DIAPH3: variants seen among roughly 807,000 people sequenced by gnomAD.
DIAPH3 encodes protein diaphanous homolog 3.
Under a neutral mutation model 144.3 loss-of-function variants are expected in DIAPH3, and 117 were observed. That is an observed-to-expected ratio of 0.81 (90% CI 0.70 to 0.95). The LOEUF is 0.95. Among genes scored for constraint, DIAPH3 ranks in the 40% least tolerant of loss-of-function variants. The probability of loss-of-function intolerance (pLI) is 0.00; values close to 1 mark genes in which losing one functional copy is unlikely to be tolerated. For missense variants in DIAPH3, 1,421 were observed against 1,412.7 expected, an observed-to-expected ratio of 1.01 and a Z score of -0.09; for synonymous variants, 519 against 488.9, an observed-to-expected ratio of 1.06 and a Z score of -0.81.
At chr13:59,903,521 A>G (rs567055041) in intron 20 of DIAPH3, among the ~76,000 whole-genome samples, 1 of 152,270 alleles carries the variant, frequency 6.6e-6, no homozygotes, top group Admixed American at 6.5e-5. Context: ...TTCTGAGTTA[A>G]AAATCAGGAA....
intron 21 of DIAPH3, 137 bp downstream of exon 21, chr13:59,879,092 G>T: frequency 1.6e-6 from 2 of 1,237,200 alleles, no homozygotes; most frequent in East Asian, 2.5e-5. Context: ...GTTCACTCTG[G>T]GTTTGAGTTC....
At chr13:60,056,136 GTTA>G (rs1210553140) in intron 4 of DIAPH3, among the ~76,000 whole-genome samples, 1 of 151,400 alleles carries the variant, frequency 6.6e-6, no homozygotes, top group Non-Finnish European at 1.5e-5. Flanking sequence ...ACCCTGTAAT[GTTA>G]GACTCTAACT....
chr13:60,027,951 T>C (rs191699383), intron 5 of DIAPH3, among the ~76,000 whole-genome samples: 1 of 152,272 alleles, frequency 6.6e-6, no homozygotes, highest in East Asian at 1.9e-4. Context: ...CCAATGCTGG[T>C]CAGAGCAGTC....
intron 2 of DIAPH3, among the ~76,000 whole-genome samples, chr13:60,118,078 ACT>A (rs1223583923): frequency 1.3e-5 from 2 of 152,190 alleles, no homozygotes; most frequent in East Asian, 3.8e-4. Context: ...TATGGCTTTG[ACT>A]GTGTCTGGGG....
chr13:59,878,478 G>GTACC (rs2044776009), intron 21 of DIAPH3, among the ~76,000 whole-genome samples: 7 of 152,108 alleles, frequency 4.6e-5, no homozygotes, highest in African/African-American at 1.4e-4. Flanking sequence ...AGGGAGTGTG[G>GTACC]TTGTTACGAG....
At chr13:59,755,033 G>A (rs902607337) in intron 27 of DIAPH3, among the ~76,000 whole-genome samples, 2 of 152,160 alleles carry the variant, frequency 1.3e-5, no homozygotes, top group African/African-American at 4.8e-5. Context: ...GATCATTACA[G>A]ACCTATGAAC....
chr13:59,735,434 A>C (rs1399705405), intron 27 of DIAPH3, among the ~76,000 whole-genome samples: 1 of 152,206 alleles, frequency 6.6e-6, no homozygotes, highest in Admixed American at 6.5e-5. Flanking sequence ...TTAATAAAAA[A>C]TCTGGATACA....
At chr13:60,139,011 C>T (rs1594763030) in intron 1 of DIAPH3, among the ~76,000 whole-genome samples, 2 of 152,216 alleles carry the variant, frequency 1.3e-5, no homozygotes, top group South Asian at 4.2e-4. Context: ...CATTTCTAGC[C>T]CACACACCTG....
At position 59,795,141 on chromosome 13, in the gene DIAPH3, G is replaced by A. The variant is rs574078344; in HGVS notation, c.3163+15647C>T. ...GACAACTGCACAAAGGAGAATGAAC[G>A]AAAGCTTCAGATTAAGAATGTACGA... On this transcript the variant is annotated intron_variant, in intron 25 of 27. Coordinates refer to ENST00000400324, the MANE Select transcript of DIAPH3 (RefSeq NM_001042517.2). 3.0e-3 allele frequency among the ~76,000 whole-genome samples: 456 copies of A among 152,308 alleles called. 1 individual carries two copies. Among genetic ancestry groups the A allele is most frequent in the African/African-American group, 0.01 (417 of 41,562 alleles).
intron 19 of DIAPH3, among the ~76,000 whole-genome samples, chr13:59,913,712 CTT>C (rs1039637896): frequency 2.2e-4 from 33 of 152,284 alleles, no homozygotes; most frequent in African/African-American, 5.8e-4. Flanking sequence ...TAATCCAGCA[CTT>C]TGAGAGACCG....
chr13:60,074,823 T>A (rs990181829), intron 4 of DIAPH3, among the ~76,000 whole-genome samples: 3 of 152,198 alleles, frequency 2.0e-5, no homozygotes, highest in Non-Finnish European at 4.4e-5. Flanking sequence ...GTCATTGGTT[T>A]TAACAGCTGT....
At chr13:59,725,521 T>C (rs1054245064) in intron 27 of DIAPH3, among the ~76,000 whole-genome samples, 14 of 152,210 alleles carry the variant, frequency 9.2e-5, no homozygotes, top group African/African-American at 3.4e-4. Context: ...CTTATTTACA[T>C]TCTATTGCAA....
At chr13:59,757,965 CA>C (rs1683983345) in intron 27 of DIAPH3, among the ~76,000 whole-genome samples, 1 of 152,126 alleles carries the variant, frequency 6.6e-6, no homozygotes, top group Non-Finnish European at 1.5e-5. Context: ...ACACACAGGA[CA>C]GACTTGAATA....
intron 4 of DIAPH3, among the ~76,000 whole-genome samples, chr13:60,067,551 T>C (rs2057019574): frequency 6.6e-6 from 1 of 152,184 alleles, no homozygotes; most frequent in African/African-American, 2.4e-5. Flanking sequence ...CTCAAGCTAA[T>C]TTCCTTCACA....
rs757525555 is a variant in DIAPH3, at chr13:59,974,436, G to C, written c.1566C>G (p.Asp522Glu). 16 of 1,611,088 alleles carry C rather than the reference G, an allele frequency of 9.9e-6. No individual in the cohort carries two copies. Among genetic ancestry groups the C allele is most frequent in the Non-Finnish European group, 1.3e-5 (15 of 1,179,326 alleles). The change falls in exon 15 of 28, where the codon GAC (aspartate) becomes GAG (glutamate). Residue 522 changes from aspartate to glutamate, a missense_variant. Physicochemically the swap from Asp to Glu is conservative, Grantham distance 45. Transcript: ENST00000400324. ...GCAATTCAGCCTGAGTTTCTTGGTG[G>C]TCGGTAAACTCTTTTTCAAACTGAA... ...LYKKFEKEFTDHQETQAELQK... is the reference protein window; with the variant it reads ...LYKKFEKEFTEHQETQAELQK...
intron 2 of DIAPH3, among the ~76,000 whole-genome samples, chr13:60,114,761 C>T (rs936604979): frequency 6.6e-6 from 1 of 151,538 alleles, no homozygotes; most frequent in South Asian, 2.1e-4. Flanking sequence ...AAAACTACAG[C>T]CAGAGAAATA....
At chr13:60,108,606 G>A (rs190852203) in intron 3 of DIAPH3, among the ~76,000 whole-genome samples, 275 of 149,162 alleles carry the variant, frequency 1.8e-3, no homozygotes, top group African/African-American at 6.2e-3. Flanking sequence ...ACTCCGTCTC[G>A]AAAAAAAAAT....
At chr13:59,899,338 G>T (rs1221783293) in intron 20 of DIAPH3, among the ~76,000 whole-genome samples, 1 of 152,176 alleles carries the variant, frequency 6.6e-6, no homozygotes, top group African/African-American at 2.4e-5. Flanking sequence ...AAGAGGAAAA[G>T]AAGTATTTTG....
chr13:59,724,446 C>T (rs965307687), intron 27 of DIAPH3, among the ~76,000 whole-genome samples: 3 of 152,042 alleles, frequency 2.0e-5, no homozygotes, highest in Admixed American at 1.3e-4. Context: ...AAATGGTACA[C>T]AAAACTCTTG....
Sources: gnomAD v4.1 joint callset for allele counts (sites outside exome capture counted in the v4.1 genomes callset) on GRCh38, gnomAD v4.1.1 for gene constraint, MANE v1.5 for transcripts, NCBI Gene and HGNC (gene_info 2026-07-23, HGNC 2026-07-21) for gene names.